The following SRPK1 variants were observed in gnomAD, a reference collection of about 807,000 sequenced individuals.
The protein encoded by SRPK1 is SFRS protein kinase 1.
SRPK1 carries 52 observed loss-of-function variants against 89.5 expected under a neutral mutation model. That is an observed-to-expected ratio of 0.58 (90% CI 0.46 to 0.73). The LOEUF (loss-of-function observed/expected upper bound fraction) is 0.73, where lower values mean the gene tolerates loss of function less well. Ranked by LOEUF, SRPK1 falls within the 30% of genes least tolerant of loss-of-function variation. The pLI is 0.00. For synonymous variants in SRPK1, 255 were observed against 270.2 expected (o/e 0.94, Z 0.55); for missense variants, 603 against 780.6 (o/e 0.77, Z 2.71).
At chr6:35,878,048 G>A (rs1175334535) in intron 6 of SRPK1, among the ~76,000 whole-genome samples, 2 of 152,166 alleles carry the variant, frequency 1.3e-5, no homozygotes, top group Non-Finnish European at 1.5e-5. Flanking sequence ...ATCCACAAAA[G>A]CAAGCTTTGG....
At chr6:35,852,589 A>G (rs1412643330) in intron 13 of SRPK1, among the ~76,000 whole-genome samples, 8 of 152,230 alleles carry the variant, frequency 5.3e-5, no homozygotes, top group Admixed American at 2.0e-4. Context: ...GGTGAAATCT[A>G]AAGAGCTATT....
intron 11 of SRPK1, 38 bp downstream of exon 11, chr6:35,869,444 A>T: frequency 6.3e-7 from 1 of 1,587,526 alleles, no homozygotes; most frequent in Non-Finnish European, 8.6e-7. Context: ...TGTGTTGTGC[A>T]GGGAAGGAGT....
chr6:35,905,522 A>G (rs950702565), intron 2 of SRPK1, among the ~76,000 whole-genome samples: 6 of 152,258 alleles, frequency 3.9e-5, no homozygotes, highest in African/African-American at 1.4e-4. Flanking sequence ...ATGTAAAATG[A>G]AAGCAAAATG....
rs1478554807 is a variant in SRPK1 at position 35,833,574 on chromosome 6, G to A, written c.*1730C>T. 1.3e-5 allele frequency: 2 copies of A among 152,640 alleles called. No homozygotes were observed. Among genetic ancestry groups the A allele is most frequent in the Non-Finnish European group, 2.9e-5 (2 of 68,046 alleles). The allele number at this position is 152,640 out of a possible 1,614,324, so 9.5% of individuals were successfully genotyped here. A position where few individuals can be genotyped will look rare whatever the true frequency, so the allele number is the denominator to read the frequency against. On this transcript the variant is annotated 3_prime_UTR_variant, in exon 16 of 16. Coordinates refer to ENST00000373825, the MANE Select transcript of SRPK1 (RefSeq NM_003137.5). The stretch of plus-strand genomic sequence containing the variant: ...AATCTATTCTCTTGATTCTTGATAG[G>A]TGCATAGAAAGCCTAACTTAAAATT...
At chr6:35,915,731 G>A (rs539298996) in intron 2 of SRPK1, among the ~76,000 whole-genome samples, 155 of 152,144 alleles carry the variant, frequency 1.0e-3, no homozygotes, top group African/African-American at 3.6e-3. Flanking sequence ...CTAGCACTTT[G>A]GGAGGCCGAG....
chr6:35,894,568 A>T (rs1770591229), intron 2 of SRPK1, among the ~76,000 whole-genome samples: 1 of 152,164 alleles, frequency 6.6e-6, no homozygotes, highest in Admixed American at 6.5e-5. Context: ...ATTGAACGGA[A>T]GCTCTACTTA....
At position 35,869,025 on chromosome 6, in the gene SRPK1, T is replaced by G; in HGVS notation, c.1497A>C (p.Gly499=). 6.2e-7 allele frequency: 1 copy of G among 1,613,900 alleles called. No homozygotes were observed. Among genetic ancestry groups the G allele is most frequent in the Non-Finnish European group, 8.5e-7 (1 of 1,179,906 alleles). Residue 499 remains glycine (G), a synonymous_variant, in exon 12 of 16, where the codon GGA becomes GGC. Transcript: ENST00000373825. The stretch of plus-strand genomic sequence containing the variant: ...TTTAACTTACCACCCAACAAGCATT[T>G]CCAAGGTCAGCAATCTTCACCTTGA... ...EKLKVKIADL[G]NACWVHKHFT...
chr6:35,871,433 T>C lies in SRPK1; in HGVS notation c.752-474A>G, dbSNP rs889989580. 7.2e-5 allele frequency among the ~76,000 whole-genome samples: 11 copies of C among 152,330 alleles called. 1 individual carries two copies. In the South Asian group the frequency reaches 1.4e-3, roughly 20 times the overall value. ...TCTTCCTCTTTTTAAAATATTAGTA[T>C]AATAACTGTGGTTAACAAAAAACAC... On this transcript the variant is annotated intron_variant, in intron 8 of 15. Transcript: ENST00000373825.
chr6:35,838,287 A>G (rs754436679), intron 15 of SRPK1, 50 bp downstream of exon 15: 4 of 1,346,588 alleles, frequency 3.0e-6, no homozygotes. Flanking sequence ...TTACCTCTTC[A>G]TTTTTAAACA....
chr6:35,896,392 T>C (rs1770627465), intron 2 of SRPK1, among the ~76,000 whole-genome samples: 1 of 152,220 alleles, frequency 6.6e-6, no homozygotes, highest in South Asian at 2.1e-4. Flanking sequence ...TTTGAAGTTT[T>C]CCTACTCAAG....
chr6:35,876,312 T>C (rs1034169482), intron 6 of SRPK1, among the ~76,000 whole-genome samples: 1 of 152,160 alleles, frequency 6.6e-6, no homozygotes, highest in Non-Finnish European at 1.5e-5. Context: ...ACAAGCACTT[T>C]GGAAAACTGC....
At chr6:35,881,765 C>A (rs1199285561) in intron 6 of SRPK1, among the ~76,000 whole-genome samples, 1 of 151,150 alleles carries the variant, frequency 6.6e-6, no homozygotes, top group African/African-American at 2.4e-5. Context: ...AAAACAAAAA[C>A]TGACAGAATT....
At position 35,833,438 on chromosome 6, in the gene SRPK1, T is replaced by C. The variant is rs181414196; in HGVS notation, c.*1866A>G. On this transcript the variant is annotated 3_prime_UTR_variant, in exon 16 of 16. Transcript: ENST00000373825. The stretch of plus-strand genomic sequence containing the variant: ...TTCCTGTAATTCCACAATTGTGATT[T>C]TACTATGTAGAAGATAATTCAGTTC... 6.6e-6 allele frequency: 1 copy of C among 152,612 alleles called. No individual in the cohort carries two copies. Among genetic ancestry groups the C allele is most frequent in the Non-Finnish European group, 1.5e-5 (1 of 68,036 alleles). 9.5% of individuals were successfully genotyped at this position (152,612 alleles called of 1,614,324 possible). A position where few individuals can be genotyped will look rare whatever the true frequency, so the allele number is the denominator to read the frequency against.
intron 8 of SRPK1, 51 bp downstream of exon 8, chr6:35,872,512 A>G: frequency 3.4e-6 from 5 of 1,485,802 alleles, no homozygotes; most frequent in Non-Finnish European, 4.5e-6. Flanking sequence ...ATAAAAATAG[A>G]AATTTCTTTT....
intron 2 of SRPK1, among the ~76,000 whole-genome samples, chr6:35,895,270 C>T (rs746966199): frequency 6.6e-6 from 1 of 152,058 alleles, no homozygotes; most frequent in Non-Finnish European, 1.5e-5. Flanking sequence ...GCACAAAATA[C>T]CTAATTATGG....
Position 35,840,278 on chromosome 6 carries a change from A to C in SRPK1, c.1691-1849T>G, listed in dbSNP as rs143263526. On this transcript the variant is annotated intron_variant, in intron 14 of 15. Transcript: ENST00000373825. ...TTCAGGTTTTATCTTTCTCATGTAA[A>C]GGAGTTAGTGGTGTCATTTAAAGGG... 7.4e-3 allele frequency among the ~76,000 whole-genome samples: 1,120 copies of C among 152,296 alleles called. 13 individuals are homozygous for C. The highest frequency in any genetic ancestry group is 0.025 in the African/African-American group (1,029 of 41,566).
intron 15 of SRPK1, among the ~76,000 whole-genome samples, chr6:35,836,415 TAA>T (rs1222362868): frequency 6.6e-6 from 1 of 152,154 alleles, no homozygotes; most frequent in African/African-American, 2.4e-5. Flanking sequence ...GACAACTTTT[TAA>T]AAGATAGTCA....
At chr6:35,892,636 G>A (rs1018054045) in intron 2 of SRPK1, among the ~76,000 whole-genome samples, 1 of 149,414 alleles carries the variant, frequency 6.7e-6, no homozygotes, top group African/African-American at 2.5e-5. Flanking sequence ...TGGGCAACAG[G>A]GCAAGATTCT....
chr6:35,859,131 A>G (rs940044982), intron 12 of SRPK1, among the ~76,000 whole-genome samples: 10 of 152,248 alleles, frequency 6.6e-5, no homozygotes, highest in African/African-American at 2.4e-4. Context: ...TGGTATGATC[A>G]TGTAGCCAAA....
Sources: gnomAD v4.1 joint callset for allele counts (sites outside exome capture counted in the v4.1 genomes callset) on GRCh38, gnomAD v4.1.1 for gene constraint, MANE v1.5 for transcripts, NCBI Gene and HGNC (gene_info 2026-07-23, HGNC 2026-07-21) for gene names.